The following CACNA1G variants were observed in gnomAD, a reference collection of about 807,000 sequenced individuals.
CACNA1G encodes calcium voltage-gated channel subunit alpha1 G.
In CACNA1G, 67 loss-of-function variants were observed where a neutral mutation model predicts 219.4. The ratio of observed to expected loss-of-function variants is 0.31; its 90% confidence interval spans 0.25 to 0.37. CACNA1G has a LOEUF of 0.37. Ranked by LOEUF, CACNA1G falls within the 10% of genes least tolerant of loss-of-function variation. The probability of loss-of-function intolerance (pLI) is 1.00; values close to 1 mark genes in which losing one functional copy is unlikely to be tolerated. For missense variants in CACNA1G, 2,380 were observed against 3,231.4 expected (o/e 0.74, Z 6.39); for synonymous variants, 1,296 against 1,345.3 (o/e 0.96, Z 0.80).
rs750561072 is a variant in CACNA1G at position 50,617,528 on chromosome 17, C to T, written c.5112C>T (p.Asn1704=). 2.5e-6 allele frequency: 4 copies of T among 1,613,954 alleles called. No individual in the cohort carries two copies. In the Admixed American group the frequency reaches 6.7e-5, roughly 27 times the overall value. Residue 1704 remains asparagine (N), a synonymous_variant, in exon 29 of 38, where the codon AAC becomes AAT. Transcript: ENST00000359106. The surrounding 1 kb of genome is among the most constrained non-coding windows in gnomAD (Gnocchi z 5.8). ...AGGTCAACGCCTCGCTGCCCATCAA[C>T]CCCACCATCATCCGCATCATGAGGG... ...EIEVNASLPI[N]PTIIRIMRVL...
In CACNA1G at chr17:50,578,427, C is replaced by A. The variant is rs2041192020; in HGVS notation, c.2164C>A (p.Pro722Thr). ...RQRSLGPDAE[P>T]SSVLAFWRLI... is the part of the protein sequence containing the mutation. ...ACGGAGCCTGGGCCCAGATGCAGAGCCCAGCTCTGTGCTGGCCTTCTGGAG... is the reference window on the plus strand; with the variant it reads ...ACGGAGCCTGGGCCCAGATGCAGAGACCAGCTCTGTGCTGGCCTTCTGGAG... Residue 722 changes from proline (P) to threonine (T), a missense_variant, in exon 9 of 38, where the codon CCC becomes ACC. By Grantham distance (38) the Pro-to-Thr change is conservative (BLOSUM62 -1). Around this residue, in one of 17 missense-constraint regions of CACNA1G, gnomAD observed 434 missense variants for 417.3 expected, o/e 1.04. Coordinates refer to ENST00000359106, the MANE Select transcript of CACNA1G (RefSeq NM_018896.5). The surrounding 1 kb of genome is among the most constrained non-coding windows in gnomAD (Gnocchi z 4.5). 1 of 1,612,818 alleles carries A rather than the reference C, an allele frequency of 6.2e-7. No homozygotes were observed. Among genetic ancestry groups the A allele is most frequent in the Non-Finnish European group, 8.5e-7 (1 of 1,179,410 alleles).
intron 16 of CACNA1G, among the ~76,000 whole-genome samples, chr17:50,597,458 T>A (rs2145691957): frequency 6.6e-6 from 1 of 152,374 alleles, no homozygotes; most frequent in South Asian, 2.1e-4. Context: ...TTGGTGCCCA[T>A]GCTCTCATGA....
At position 50,561,279 on chromosome 17, in the gene CACNA1G, G is replaced by T. The variant is rs1178896923; in HGVS notation, c.-181G>T. On this transcript the variant is annotated 5_prime_UTR_variant, in exon 1 of 38. Coordinates refer to ENST00000359106, the MANE Select transcript of CACNA1G (RefSeq NM_018896.5). ...TTTCCCTGCGCCCCGGCGCCCCGCG[G>T]GCAGCATGCCCCTGCGGGCAGGGGG... 1.6e-6 allele frequency: 1 copy of T among 639,682 alleles called. No individual in the cohort carries two copies. The highest frequency in any genetic ancestry group is 2.5e-6 in the Non-Finnish European group (1 of 394,252). The allele number at this position is 639,682 out of a possible 1,614,324, so 39.6% of individuals were successfully genotyped here. A position where few individuals can be genotyped will look rare whatever the true frequency, so the allele number is the denominator to read the frequency against.
At chr17:50,569,902 T>A in intron 4 of CACNA1G, 99 bp downstream of exon 4, 1 of 874,302 alleles carries the variant, frequency 1.1e-6, no homozygotes, top group Non-Finnish European at 1.8e-6. Flanking sequence ...ACCTGACCCC[T>A]CACAGGCCCC....
At chr17:50,569,977 C>CT (rs2038998816) in intron 4 of CACNA1G, among the ~76,000 whole-genome samples, 174 bp downstream of exon 4, 1 of 152,164 alleles carries the variant, frequency 6.6e-6, no homozygotes, top group Non-Finnish European at 1.5e-5. Context: ...GAATGTGGCA[C>CT]TATGGGAGTT....
chr17:50,561,539 G>GGGCCGGGGGCC lies in CACNA1G; in HGVS notation c.89_99dup (p.Pro34AlafsTer35). The GGGCCGGGGGCC allele has an allele frequency of 6.5e-7, 1 of 1,538,700 alleles. No homozygotes were observed. Among genetic ancestry groups the GGGCCGGGGGCC allele is most frequent in the Non-Finnish European group, 8.7e-7 (1 of 1,146,458 alleles). On this transcript the variant is annotated frameshift_variant, in exon 1 of 38. Coordinates refer to ENST00000359106, the MANE Select transcript of CACNA1G (RefSeq NM_018896.5). LOFTEE classifies it high-confidence loss of function. The stretch of plus-strand genomic sequence containing the variant: ...TTCATGCGGCTCAACGACCTGTCGG[G>GGGCCGGGGGCC]GGCCGGGGGCCGGCCGGGGCCGGGG...
At chr17:50,613,072 G>T (rs757691900) in intron 26 of CACNA1G, among the ~76,000 whole-genome samples, 14 of 152,360 alleles carry the variant, frequency 9.2e-5, no homozygotes, top group Admixed American at 4.6e-4. Context: ...CCATCCAGGG[G>T]TGTCCTCTGG....
At chr17:50,601,650 G>A (rs1444731675) in intron 19 of CACNA1G, among the ~76,000 whole-genome samples, 6 of 152,298 alleles carry the variant, frequency 3.9e-5, no homozygotes, top group Non-Finnish European at 8.8e-5. Context: ...GCTTGGCTGC[G>A]AACCTGTCAG....
intron 9 of CACNA1G, among the ~76,000 whole-genome samples, chr17:50,586,923 T>C (rs2043109861): frequency 6.6e-6 from 1 of 152,102 alleles, no homozygotes; most frequent in African/African-American, 2.4e-5. Flanking sequence ...GATGGAGATT[T>C]ACAGTCAACA....
intron 25 of CACNA1G, among the ~76,000 whole-genome samples, chr17:50,609,346 C>G (rs1046341890): frequency 6.6e-6 from 1 of 152,176 alleles, no homozygotes; most frequent in African/African-American, 2.4e-5. Flanking sequence ...ACGTCCCCAA[C>G]CCTCACTATC....
intron 26 of CACNA1G, among the ~76,000 whole-genome samples, chr17:50,612,993 G>A (rs1277097840): frequency 6.6e-6 from 1 of 152,214 alleles, no homozygotes; most frequent in Non-Finnish European, 1.5e-5. Flanking sequence ...TGCCTGCAGA[G>A]CCGAGGTCCA....
At chr17:50,614,983 C>T (rs2050146561) in intron 26 of CACNA1G, among the ~76,000 whole-genome samples, 1 of 152,216 alleles carries the variant, frequency 6.6e-6, no homozygotes, top group Non-Finnish European at 1.5e-5. Flanking sequence ...GTCCTCTGAG[C>T]CTGAGGAGAC....
intron 10 of CACNA1G, 60 bp downstream of exon 10, chr17:50,590,682 GC>G: frequency 6.5e-7 from 1 of 1,538,380 alleles, no homozygotes; most frequent in Non-Finnish European, 8.9e-7. Flanking sequence ...GTGGCTTGGG[GC>G]CAGGGGCCAT....
rs753658494 is a variant in CACNA1G, at chr17:50,596,591, C to T, written c.3009C>T (p.Pro1003=). 59 of 1,613,932 alleles carry T rather than the reference C, an allele frequency of 3.7e-5. 2 individuals carry two copies. The Middle Eastern group carries it at 4.9e-4, about 14-fold the overall frequency. The change falls in exon 15 of 38, where the codon CCC becomes CCT. Residue 1003 remains proline, a synonymous_variant. Transcript: ENST00000359106. The surrounding 1 kb of genome is among the most constrained non-coding windows in gnomAD (Gnocchi z 4.8). The stretch of plus-strand genomic sequence containing the variant: ...ATGCCAACAAGTCCGAATCAGAGCC[C>T]GATTTCTTCTCACCCAGCCTGGATG... ...GGDANKSESE[P]DFFSPSLDGD...
chr17:50,621,621 C>G lies in CACNA1G; in HGVS notation c.5926-39C>G. ...GCGTGTGCACGCGCGTGTGCGCTGT[C>G]CTGGTTTCTCATGCCTGATCATCTC... On this transcript the variant is annotated intron_variant, in intron 34 of 37. Coordinates refer to ENST00000359106, the MANE Select transcript of CACNA1G (RefSeq NM_018896.5). This position sits in a 1 kb window ranked among gnomAD's most constrained non-coding sequence, Gnocchi z 4.6. 3 of 1,608,968 alleles carry G rather than the reference C, an allele frequency of 1.9e-6. No individual in the cohort carries two copies. The highest frequency in any genetic ancestry group is 1.3e-5 in the African/African-American group (1 of 74,964).
chr17:50,565,146 C>T (rs2037356608), intron 1 of CACNA1G, among the ~76,000 whole-genome samples: 1 of 151,786 alleles, frequency 6.6e-6, no homozygotes, highest in Non-Finnish European at 1.5e-5. Context: ...CACACACGCG[C>T]ACACACACAC....
At position 50,627,109 on chromosome 17, in the gene CACNA1G, T is replaced by A. The variant is rs1254174534; in HGVS notation, c.*358T>A. 1 of 471,538 alleles carries A rather than the reference T, an allele frequency of 2.1e-6. No homozygotes were observed. The highest frequency in any genetic ancestry group is 2.0e-5 in the African/African-American group (1 of 50,738). The allele number at this position is 471,538 out of a possible 1,614,324, so 29.2% of individuals were successfully genotyped here. On this transcript the variant is annotated 3_prime_UTR_variant, in exon 38 of 38. Coordinates refer to ENST00000359106, the MANE Select transcript of CACNA1G (RefSeq NM_018896.5). ...TACGACATTTTGTGACTGAAGAGAC[T>A]TGTTTCCTTCTACTTTTATGTGTCT...
At chr17:50,604,427 C>T (rs2047494022) in intron 22 of CACNA1G, 146 bp downstream of exon 22, 3 of 1,033,984 alleles carry the variant, frequency 2.9e-6, no homozygotes, top group Non-Finnish European at 4.2e-6. Context: ...GGCTCTAGGC[C>T]CTTTTACCTC....
chr17:50,583,689 G>C (rs1289888853), intron 9 of CACNA1G, among the ~76,000 whole-genome samples: 1 of 150,756 alleles, frequency 6.6e-6, no homozygotes, highest in African/African-American at 2.4e-5. Context: ...AGATGGAGGG[G>C]TGGGTAGGAG....
Sources: gnomAD v4.1 joint callset for allele counts (sites outside exome capture counted in the v4.1 genomes callset) on GRCh38, gnomAD v4.1.1 for gene constraint, gnomAD v4.1.1 regional missense constraint, Gnocchi (gnomAD v3.1) non-coding constraint, MANE v1.5 for transcripts, NCBI Gene and HGNC (gene_info 2026-07-23, HGNC 2026-07-21) for gene names.